The following SOS1 variants were observed in gnomAD, a reference collection of about 807,000 sequenced individuals.
SOS1 encodes SOS Ras/Rac guanine nucleotide exchange factor 1, also known as son of sevenless homolog 1.
Under a neutral mutation model 157.6 loss-of-function variants are expected in SOS1, and 25 were observed. The observed-to-expected ratio is 0.16, with a 90% CI of 0.12 to 0.22. The LOEUF is 0.22. Among genes scored for constraint, SOS1 ranks in the 10% least tolerant of loss-of-function variants. The probability of loss-of-function intolerance (pLI) is 1.00; values close to 1 mark genes in which losing one functional copy is unlikely to be tolerated. For missense variants in SOS1, 1,237 were observed against 1,599.1 expected, an observed-to-expected ratio of 0.77 and a Z score of 3.86; for synonymous variants, 528 against 534.0, an observed-to-expected ratio of 0.99 and a Z score of 0.16.
chr2:38,996,256 A>G (rs1668887898), intron 19 of SOS1, among the ~76,000 whole-genome samples: 1 of 152,122 alleles, frequency 6.6e-6, no homozygotes, highest in Non-Finnish European at 1.5e-5. Flanking sequence ...TGTCTGGCTA[A>G]GTTTTGTATT....
intron 2 of SOS1, 83 bp downstream of exon 2, chr2:39,067,545 A>G (rs1335320332): frequency 1.6e-6 from 2 of 1,238,736 alleles, no homozygotes; most frequent in East Asian, 4.7e-5. Context: ...ATATAGAGAG[A>G]GCAAATTCTT....
At chr2:39,103,588 C>A (rs185616508) in intron 1 of SOS1, among the ~76,000 whole-genome samples, 3 of 152,284 alleles carry the variant, frequency 2.0e-5, no homozygotes, top group East Asian at 3.9e-4. Flanking sequence ...TGGATTTCCA[C>A]AAGCAAAAGA....
At chr2:39,064,992 A>C (rs2148135797) in intron 2 of SOS1, among the ~76,000 whole-genome samples, 1 of 151,464 alleles carries the variant, frequency 6.6e-6, no homozygotes, top group Middle Eastern at 3.4e-3. Context: ...TCCCAACCTT[A>C]GGTTATCCGC....
chr2:39,038,334 TAGAA>T (rs1164039204), intron 6 of SOS1, among the ~76,000 whole-genome samples: 2 of 152,080 alleles, frequency 1.3e-5, no homozygotes, highest in African/African-American at 2.4e-5. Flanking sequence ...GTGGTGGAAA[TAGAA>T]AGAGAAATAG....
At chr2:39,122,070 G>C (rs770400068), upstream of SOS1, among the ~76,000 whole-genome samples, 1 of 152,178 alleles carries the variant, frequency 6.6e-6, no homozygotes, top group Non-Finnish European at 1.5e-5. Context: ...AGGTTCAGTG[G>C]TTCTTAATCT....
intron 1 of SOS1, among the ~76,000 whole-genome samples, chr2:39,102,530 CAAAAAAA>C (rs70954782): frequency 3.4e-4 from 17 of 50,606 alleles, no homozygotes; most frequent in East Asian, 2.8e-3. Context: ...GACTCCATCT[CAAAAAAA>C]AAAAAAAAAA....
chr2:39,096,587 C>G (rs13394446), intron 1 of SOS1, among the ~76,000 whole-genome samples: 1 of 151,968 alleles, frequency 6.6e-6, no homozygotes, highest in Non-Finnish European at 1.5e-5. Flanking sequence ...TTGAAAGTCA[C>G]TAAAAATATC....
At chr2:38,991,813 G>A (rs1465265676) in intron 20 of SOS1, among the ~76,000 whole-genome samples, 2 of 152,146 alleles carry the variant, frequency 1.3e-5, no homozygotes, top group Middle Eastern at 3.4e-3. Flanking sequence ...AAGACTGCAA[G>A]CTTTCCCAGT....
chr2:39,064,330 C>T (rs574844403), intron 2 of SOS1, among the ~76,000 whole-genome samples: 3 of 152,102 alleles, frequency 2.0e-5, no homozygotes, highest in African/African-American at 7.2e-5. Flanking sequence ...GATGTTAACA[C>T]CTCTTAATAC....
chr2:39,079,735 T>C (rs1004606445), intron 1 of SOS1, among the ~76,000 whole-genome samples: 10 of 152,098 alleles, frequency 6.6e-5, no homozygotes, highest in Non-Finnish European at 1.2e-4. Flanking sequence ...CCTCGTGATC[T>C]GCCCACCTTG....
intron 1 of SOS1, among the ~76,000 whole-genome samples, chr2:39,117,264 GT>G (rs1436198864): frequency 6.6e-6 from 1 of 152,058 alleles, no homozygotes; most frequent in African/African-American, 2.4e-5. Context: ...TCCTGACCTC[GT>G]GATCCGCCCA....
At chr2:39,030,879 G>A (rs1031996937) in intron 8 of SOS1, among the ~76,000 whole-genome samples, 4 of 152,084 alleles carry the variant, frequency 2.6e-5, no homozygotes, top group African/African-American at 9.7e-5. Context: ...AGCGAGATTT[G>A]GATGCAGACA....
Position 39,013,942 on chromosome 2 carries a change from A to T in SOS1, c.1988T>A (p.Ile663Lys), listed in dbSNP as rs1048869073. Reference sequence around the variant, plus strand: ...ACTCAAGGGTTGATCTCCATTCTCTATAGCTATGCGATCAGCTTCTGTTGG... The same window carrying T: ...ACTCAAGGGTTGATCTCCATTCTCTTTAGCTATGCGATCAGCTTCTGTTGG... ...PEPTEADRIA[I>K]ENGDQPLSAE... is the part of the protein sequence containing the mutation. Residue 663 changes from isoleucine to lysine, a missense_variant, in exon 12 of 23, where the codon ATA becomes AAA. By Grantham distance (102) the Ile-to-Lys change is moderately radical (BLOSUM62 -3). Transcript: ENST00000402219. The T allele has an allele frequency of 6.2e-7, 1 of 1,604,896 alleles. No individual in the cohort carries two copies. Among genetic ancestry groups the T allele is most frequent in the Admixed American group, 1.7e-5 (1 of 59,910 alleles).
chr2:39,084,095 T>A (rs1001114098), intron 1 of SOS1, among the ~76,000 whole-genome samples: 4 of 152,112 alleles, frequency 2.6e-5, no homozygotes, highest in African/African-American at 9.6e-5. Context: ...GAGAGAGACC[T>A]CAGAAAAAAA....
At chr2:39,102,495 C>T (rs930031475) in intron 1 of SOS1, among the ~76,000 whole-genome samples, 1 of 118,824 alleles carries the variant, frequency 8.4e-6, no homozygotes, top group Admixed American at 1.1e-4. Flanking sequence ...CATACTACTG[C>T]ACTCCAGCCT....
chr2:39,119,847 C>T (rs1487013678), intron 1 of SOS1, among the ~76,000 whole-genome samples: 1 of 152,188 alleles, frequency 6.6e-6, no homozygotes, highest in African/African-American at 2.4e-5. Context: ...GGAGTGAATA[C>T]TGACGGCGAG....
Position 38,985,739 on chromosome 2 carries a change from ACTC to A in SOS1, c.*82_*84del. On this transcript the variant is annotated 3_prime_UTR_variant, in exon 23 of 23. Coordinates refer to ENST00000402219, the MANE Select transcript of SOS1 (RefSeq NM_005633.4). ...GTTAGTGTTTGGAGTTCTCATTTTAACTCCTCAGTGCTGGCACATTCAGTGCAT... is the reference window on the plus strand; with the variant it reads ...GTTAGTGTTTGGAGTTCTCATTTTAACTCAGTGCTGGCACATTCAGTGCAT... 6.7e-7 allele frequency: 1 copy of A among 1,497,920 alleles called. No homozygotes were observed. The highest frequency in any genetic ancestry group is 9.3e-7 in the Non-Finnish European group (1 of 1,079,002). The allele number at this position is 1,497,920 out of a possible 1,614,324, so 92.8% of individuals were successfully genotyped here. A position where few individuals can be genotyped will look rare whatever the true frequency, so the allele number is the denominator to read the frequency against.
chr2:39,031,350 G>A (rs978641837), intron 8 of SOS1, among the ~76,000 whole-genome samples: 2 of 152,312 alleles, frequency 1.3e-5, no homozygotes, highest in South Asian at 4.1e-4. Flanking sequence ...ATCTTGGGGA[G>A]AGGGAGATAA....
At chr2:39,091,419 A>C (rs1316188812) in intron 1 of SOS1, among the ~76,000 whole-genome samples, 1 of 152,150 alleles carries the variant, frequency 6.6e-6, no homozygotes, top group African/African-American at 2.4e-5. Context: ...TGTGAATCCA[A>C]ATGAAAAATT....
Sources: allele counts gnomAD v4.1 joint callset (sites outside exome capture counted in the v4.1 genomes callset), GRCh38; gene constraint gnomAD v4.1.1; transcripts MANE v1.5; gene names NCBI Gene and HGNC (gene_info 2026-07-23, HGNC 2026-07-21).